The following CDK13 variants were observed in gnomAD, a reference collection of about 807,000 sequenced individuals.
The protein encoded by CDK13 is cyclin-dependent kinase 13.
A neutral mutation model predicts 137.6 loss-of-function variants in CDK13; 40 were observed. That is an observed-to-expected ratio of 0.29 (90% CI 0.23 to 0.38). The LOEUF is 0.38. Among genes scored for constraint, CDK13 ranks in the 10% least tolerant of loss-of-function variants. The pLI is 1.00. For missense variants in CDK13, 1,704 were observed against 1,951.8 expected (o/e 0.87, Z 2.39); for synonymous variants, 869 against 760.1 (o/e 1.14, Z -2.36).
chr7:40,089,723 A>AGTGT (rs142023627), intron 12 of CDK13, among the ~76,000 whole-genome samples: 1,806 of 125,170 alleles, frequency 0.014, 15 homozygotes, highest in Middle Eastern at 0.02. Flanking sequence ...AGAGAGAGAG[A>AGTGT]GTGTGTGTGT....
Position 40,054,387 on chromosome 7 carries a change from A to C in CDK13, c.2600+6510A>C, listed in dbSNP as rs938386680. ...AATATTTTGATAGCAACAAATATTT[A>C]AAATTACCTGTAATTTTTCCCATGA... On this transcript the variant is annotated intron_variant, in intron 7 of 13. Transcript: ENST00000181839. Among the ~76,000 whole-genome samples the C allele has an allele frequency of 2.0e-5, 3 of 152,186 alleles. No individual in the cohort carries two copies. In the East Asian group the frequency reaches 5.8e-4, roughly 29 times the overall value.
intron 10 of CDK13, chr7:40,078,335 C>T (rs553890631): frequency 1.0e-5 from 4 of 384,722 alleles, no homozygotes; most frequent in Admixed American, 4.5e-5. Flanking sequence ...TTGGTGCTTA[C>T]GTGAAAGAAC....
chr7:39,965,499 G>A (rs924002847), intron 1 of CDK13, among the ~76,000 whole-genome samples: 1 of 151,988 alleles, frequency 6.6e-6, no homozygotes, highest in Non-Finnish European at 1.5e-5. Flanking sequence ...TTTATTTTGA[G>A]CCTATGTGTG....
intron 11 of CDK13, among the ~76,000 whole-genome samples, chr7:40,087,876 T>C (rs1411220776): frequency 6.6e-6 from 1 of 152,078 alleles, no homozygotes; most frequent in Non-Finnish European, 1.5e-5. Context: ...TCTTCATTCA[T>C]AATTTTGATA....
At chr7:39,962,505 T>A (rs1339704986) in intron 1 of CDK13, among the ~76,000 whole-genome samples, 1 of 152,260 alleles carries the variant, frequency 6.6e-6, no homozygotes, top group African/African-American at 2.4e-5. Context: ...TAAATTTGTT[T>A]AAGTTCATTG....
intron 2 of CDK13, among the ~76,000 whole-genome samples, chr7:39,991,486 T>A (rs200778550): frequency 3.2e-5 from 1 of 31,260 alleles, no homozygotes; most frequent in South Asian, 1.3e-3. Context: ...TTAGCAAAAG[T>A]GTGTGTGTGT....
At chr7:40,053,247 GA>G (rs1042054797) in intron 7 of CDK13, among the ~76,000 whole-genome samples, 3 of 152,004 alleles carry the variant, frequency 2.0e-5, no homozygotes, top group African/African-American at 7.2e-5. Flanking sequence ...TTGTTTATTG[GA>G]AATCTCTACC....
chr7:39,990,594 CTT>C (rs1784436629), intron 2 of CDK13, among the ~76,000 whole-genome samples: 1 of 152,126 alleles, frequency 6.6e-6, no homozygotes, highest in South Asian at 2.1e-4. Context: ...GCACAGGAGA[CTT>C]ATTTTATATT....
chr7:40,026,611 C>T (rs1212403116), intron 5 of CDK13, among the ~76,000 whole-genome samples: 3 of 152,208 alleles, frequency 2.0e-5, no homozygotes, highest in African/African-American at 4.8e-5. Flanking sequence ...AAAATTTATT[C>T]ACTTTGTCTA....
chr7:39,983,237 T>A (rs550570364), intron 1 of CDK13, among the ~76,000 whole-genome samples: 142 of 152,326 alleles, frequency 9.3e-4, no homozygotes, highest in African/African-American at 3.3e-3. Flanking sequence ...TTTCTACATA[T>A]GGCTAGCCAG....
At chr7:39,993,704 G>A (rs529799006) in intron 2 of CDK13, among the ~76,000 whole-genome samples, 1 of 151,920 alleles carries the variant, frequency 6.6e-6, no homozygotes, top group Non-Finnish European at 1.5e-5. Context: ...TGGATGTATC[G>A]TGTTCTTCTG....
rs10232399 is a variant in CDK13, at chr7:40,077,765, A to G, written c.2781-240A>G. The stretch of plus-strand genomic sequence containing the variant: ...CAGCTACTCAGGAGGCTGAGGCAGG[A>G]GAATCACTTGAACCCAGGAGGCAGA... On this transcript the variant is annotated intron_variant, in intron 9 of 13. Coordinates refer to ENST00000181839, the MANE Select transcript of CDK13 (RefSeq NM_003718.5). Among the ~76,000 whole-genome samples, 29,721 of 152,146 alleles carry G rather than the reference A, an allele frequency of 0.2. 3,086 individuals are homozygous for G. Among genetic ancestry groups the G allele is most frequent in the Middle Eastern group, 0.31 (91 of 294 alleles).
chr7:40,042,193 G>A (rs1584028377), intron 5 of CDK13, among the ~76,000 whole-genome samples: 2 of 151,552 alleles, frequency 1.3e-5, no homozygotes, highest in South Asian at 2.1e-4. Context: ...GATTCTCCTC[G>A]TCAGCCTCCC....
chr7:40,048,606 A>C (rs915629978), intron 7 of CDK13: 3 of 147,078 alleles, frequency 2.0e-5, no homozygotes, highest in Non-Finnish European at 4.4e-5. Context: ...AAGAATTTTA[A>C]AATTATTTTA....
intron 1 of CDK13, among the ~76,000 whole-genome samples, chr7:39,955,453 A>G (rs1406160788): frequency 6.6e-6 from 1 of 152,142 alleles, no homozygotes; most frequent in Non-Finnish European, 1.5e-5. Flanking sequence ...TTCTAACAGC[A>G]GTCTATTCAT....
At chr7:40,059,091 A>G (rs1786084192) in intron 7 of CDK13, 1 of 152,232 alleles carries the variant, frequency 6.6e-6, no homozygotes, top group South Asian at 2.1e-4. Flanking sequence ...CAAAGGCAGC[A>G]ACCCTGCTTT....
chr7:40,017,145 G>C (rs1167324836), intron 5 of CDK13, among the ~76,000 whole-genome samples: 1 of 152,098 alleles, frequency 6.6e-6, no homozygotes, highest in East Asian at 1.9e-4. Flanking sequence ...AAAAAACAGA[G>C]ATAGTATTCT....
intron 1 of CDK13, chr7:39,987,286 C>G (rs1337804155): frequency 5.1e-6 from 1 of 195,754 alleles, no homozygotes; most frequent in Admixed American, 5.9e-5. Context: ...CCTGCTGCTA[C>G]TACTACCATT....
chr7:40,019,332 A>G (rs1257820530), intron 5 of CDK13, among the ~76,000 whole-genome samples: 1 of 152,202 alleles, frequency 6.6e-6, no homozygotes, highest in East Asian at 1.9e-4. Flanking sequence ...AATGTAACAA[A>G]CTTAAGCTAA....
Sources: gnomAD v4.1 joint callset for allele counts (sites outside exome capture counted in the v4.1 genomes callset) on GRCh38, gnomAD v4.1.1 for gene constraint, MANE v1.5 for transcripts, NCBI Gene and HGNC (gene_info 2026-07-23, HGNC 2026-07-21) for gene names.